Variants in XKR4 observed in about 807,000 individuals in gnomAD.
XKR4 encodes XK related 4.
Under a neutral mutation model 53.9 loss-of-function variants are expected in XKR4, and 12 were observed. The observed-to-expected ratio is 0.22, with a 90% CI of 0.14 to 0.36. The LOEUF is 0.36. XKR4 is among the 10% of genes least tolerant of loss of function. XKR4 has a pLI of 1.00. For missense variants in XKR4, 799 were observed against 859.5 expected (o/e 0.93, Z 0.88); for synonymous variants, 354 against 362.4 (o/e 0.98, Z 0.26).
At chr8:55,141,361 C>T (rs925335489) in intron 1 of XKR4, among the ~76,000 whole-genome samples, 2 of 152,076 alleles carry the variant, frequency 1.3e-5, no homozygotes, top group Admixed American at 1.3e-4. Context: ...CAACTGTGGC[C>T]GCTCTGGCAT....
intron 1 of XKR4, among the ~76,000 whole-genome samples, chr8:55,131,933 A>T (rs142586340): frequency 1.4e-3 from 213 of 152,274 alleles, no homozygotes; most frequent in African/African-American, 4.7e-3. Flanking sequence ...CACAGTCTTA[A>T]TGAGAGCCAT....
chr8:55,174,542 C>A (rs2129358930), intron 1 of XKR4, among the ~76,000 whole-genome samples: 2 of 151,876 alleles, frequency 1.3e-5, no homozygotes, highest in South Asian at 2.1e-4. Context: ...TTGAACATTT[C>A]TATTATAAAA....
intron 1 of XKR4, among the ~76,000 whole-genome samples, chr8:55,293,495 T>C (rs1321933083): frequency 6.6e-6 from 1 of 152,192 alleles, no homozygotes; most frequent in Non-Finnish European, 1.5e-5. Flanking sequence ...AGCTACATTA[T>C]GGGGAAATAA....
intron 1 of XKR4, among the ~76,000 whole-genome samples, chr8:55,289,851 G>GGAAGGAAAGAAAGAAAGAAAGAAA (rs1426200079): frequency 2.9e-5 from 4 of 135,618 alleles, no homozygotes; most frequent in African/African-American, 1.2e-4. Flanking sequence ...AAAGAAAGAA[G>GGAAGGAAAGAAAGAAAGAAAGAAA]GAAAGAAAGA....
chr8:55,309,699 A>G (rs1478128464), intron 1 of XKR4, among the ~76,000 whole-genome samples: 1 of 152,224 alleles, frequency 6.6e-6, no homozygotes, highest in Non-Finnish European at 1.5e-5. Flanking sequence ...AAAGTGTACA[A>G]GAGATCTCTG....
At chr8:55,243,095 A>G (rs564090894) in intron 1 of XKR4, among the ~76,000 whole-genome samples, 1 of 152,160 alleles carries the variant, frequency 6.6e-6, no homozygotes, top group African/African-American at 2.4e-5. Flanking sequence ...TTTCCCATAT[A>G]CCATCTACCC....
intron 1 of XKR4, among the ~76,000 whole-genome samples, chr8:55,355,902 G>A (rs1253492889): frequency 1.3e-5 from 2 of 152,164 alleles, no homozygotes; most frequent in African/African-American, 4.8e-5. Flanking sequence ...GGTAAATGCA[G>A]TTCATTCACA....
At chr8:55,161,775 C>G in intron 1 of XKR4, 1 of 368,624 alleles carries the variant, frequency 2.7e-6, no homozygotes, top group Non-Finnish European at 5.4e-6. Flanking sequence ...CTTTTCTCCA[C>G]TTCACAGGTT....
In XKR4 at chr8:55,530,002, G is replaced by A. The variant is rs765243830; in HGVS notation, c.*5775G>A. On this transcript the variant is annotated 3_prime_UTR_variant, in exon 3 of 3. Transcript: ENST00000327381. ...TAAATATAAATTAACCTGATGCCAT[G>A]TCTCTTGTATTTTATATGTGTATGC... 1.3e-5 allele frequency: 2 copies of A among 152,020 alleles called. No homozygotes were observed. Among genetic ancestry groups the A allele is most frequent in the African/African-American group, 2.4e-5 (1 of 41,364 alleles). 9.4% of individuals were successfully genotyped at this position (152,020 alleles called of 1,614,324 possible).
At chr8:55,216,454 A>G (rs1817799692) in intron 1 of XKR4, among the ~76,000 whole-genome samples, 1 of 152,204 alleles carries the variant, frequency 6.6e-6, no homozygotes, top group African/African-American at 2.4e-5. Flanking sequence ...CAGACCGGGC[A>G]TGGTGGCTCA....
intron 1 of XKR4, among the ~76,000 whole-genome samples, chr8:55,253,733 T>G (rs1203300580): frequency 1.2e-5 from 1 of 84,146 alleles, no homozygotes; most frequent in Non-Finnish European, 2.9e-5. Flanking sequence ...TTTCTTTTCT[T>G]TTTTTTTTTT....
chr8:55,403,947 C>T (rs1804646869), intron 2 of XKR4, among the ~76,000 whole-genome samples: 1 of 152,204 alleles, frequency 6.6e-6, no homozygotes, highest in South Asian at 2.1e-4. Context: ...CCCCTTCCAA[C>T]CTGACCTGAA....
chr8:55,229,220 C>T (rs1157419510), intron 1 of XKR4, among the ~76,000 whole-genome samples: 1 of 152,014 alleles, frequency 6.6e-6, no homozygotes, highest in Non-Finnish European at 1.5e-5. Context: ...TGAAAGGGGC[C>T]GGCTGACAGC....
chr8:55,418,591 C>G (rs114686669), intron 2 of XKR4, among the ~76,000 whole-genome samples: 1 of 152,242 alleles, frequency 6.6e-6, no homozygotes, highest in South Asian at 2.1e-4. Context: ...CTGCCCTGTC[C>G]CCTCAGTCCA....
intron 2 of XKR4, among the ~76,000 whole-genome samples, chr8:55,428,650 G>A (rs74989810): frequency 0.028 from 4,296 of 152,240 alleles, 202 homozygotes; most frequent in African/African-American, 0.098. Context: ...GAGACTGCAT[G>A]GGGAGCCTGA....
rs774733517 is a variant in XKR4, at chr8:55,523,348, G to T, written c.1074G>T (p.Arg358=). 3 of 1,614,068 alleles carry T rather than the reference G, an allele frequency of 1.9e-6. No individual in the cohort carries two copies. In the East Asian group the frequency reaches 6.7e-5, roughly 36 times the overall value. ...TGGCCTCCTACCAGAAGGCCCTCCG[G>T]GACTCTCGAGATGACAAGAAGCCCA... The part of the protein sequence containing the change: ...WALASYQKAL[R]DSRDDKKPIS... The change falls in exon 3 of 3, where the codon CGG becomes CGT. Residue 358 remains arginine, a synonymous_variant. Coordinates refer to ENST00000327381, the MANE Select transcript of XKR4 (RefSeq NM_052898.2).
intron 2 of XKR4, among the ~76,000 whole-genome samples, chr8:55,501,249 TG>T (rs976683921): frequency 1.3e-5 from 2 of 152,240 alleles, no homozygotes; most frequent in Non-Finnish European, 2.9e-5. Context: ...AGCTCCTGAT[TG>T]TTTTTATTGT....
At chr8:55,304,649 A>T (rs959609880) in intron 1 of XKR4, among the ~76,000 whole-genome samples, 2 of 152,092 alleles carry the variant, frequency 1.3e-5, no homozygotes, top group Non-Finnish European at 2.9e-5. Context: ...TTTGTAGGTC[A>T]CTAAGGACTT....
At chr8:55,233,521 G>A (rs1418711211) in intron 1 of XKR4, among the ~76,000 whole-genome samples, 1 of 152,176 alleles carries the variant, frequency 6.6e-6, no homozygotes. Flanking sequence ...AAGGAAGTGG[G>A]TTCATTGCAA....
Sources: gnomAD v4.1 joint callset for allele counts (sites outside exome capture counted in the v4.1 genomes callset) on GRCh38, gnomAD v4.1.1 for gene constraint, MANE v1.5 for transcripts, NCBI Gene and HGNC (gene_info 2026-07-23, HGNC 2026-07-21) for gene names.